The following SCIN variants were observed in gnomAD, a reference collection of about 807,000 sequenced individuals.
SCIN encodes the protein scinderin.
In SCIN, 91 loss-of-function variants were observed where a neutral mutation model predicts 91.8. That is an observed-to-expected ratio of 0.99 (90% CI 0.84 to 1.18). The LOEUF (loss-of-function observed/expected upper bound fraction) is 1.18, where lower values mean the gene tolerates loss of function less well. Ranked by LOEUF, SCIN falls within the 50% of genes most tolerant of loss-of-function variation. The pLI is 0.00. For missense variants in SCIN, 1,087 were observed against 863.9 expected, an observed-to-expected ratio of 1.26 and a Z score of -3.24; for synonymous variants, 367 against 312.6, an observed-to-expected ratio of 1.17 and a Z score of -1.84.
chr7:12,579,450 A>G (rs950714447), intron 2 of SCIN, among the ~76,000 whole-genome samples: 2 of 152,182 alleles, frequency 1.3e-5, no homozygotes, highest in African/African-American at 2.4e-5. Flanking sequence ...TGAGTCTTGT[A>G]GTTACTAAAA....
chr7:12,622,241 CACTT>C (rs1749412480), intron 4 of SCIN, among the ~76,000 whole-genome samples: 1 of 152,022 alleles, frequency 6.6e-6, no homozygotes, highest in Admixed American at 6.6e-5. Flanking sequence ...TTTTGACAAA[CACTT>C]ACTCTGCGTA....
Position 12,640,470 on chromosome 7 carries a change from C to G in SCIN, c.1534C>G (p.Leu512Val), listed in dbSNP as rs775415892. Residue 512 changes from leucine (L) to valine (V), a missense_variant, in exon 11 of 16, where the codon CTC (leucine) becomes GTC (valine). Coordinates refer to ENST00000297029, the MANE Select transcript of SCIN (RefSeq NM_001112706.3). ...GGQAPAPPTR[L>V]FQVRRNLASI... ...TCAGGCACCTGCTCCCCCTACACGCCTCTTTCAAGTCCGGAGAAACCTGGC... is the reference window on the plus strand; with the variant it reads ...TCAGGCACCTGCTCCCCCTACACGCGTCTTTCAAGTCCGGAGAAACCTGGC... 4.1e-5 allele frequency: 66 copies of G among 1,612,858 alleles called. No homozygotes were observed. The highest frequency in any genetic ancestry group is 4.9e-5 in the Non-Finnish European group (58 of 1,179,468).
At chr7:12,606,224 T>C (rs1562611034) in intron 4 of SCIN, among the ~76,000 whole-genome samples, 2 of 152,352 alleles carry the variant, frequency 1.3e-5, no homozygotes, top group South Asian at 2.1e-4. Context: ...TCTGTTGATA[T>C]AATACCTTTT....
chr7:12,631,861 T>C (rs1367060539), intron 9 of SCIN, among the ~76,000 whole-genome samples: 1 of 151,988 alleles, frequency 6.6e-6, no homozygotes, highest in Admixed American at 6.6e-5. Context: ...GGCATGCAAA[T>C]AGAGAAGTTG....
At chr7:12,640,986 G>A (rs923906932) in intron 11 of SCIN, among the ~76,000 whole-genome samples, 1 of 152,142 alleles carries the variant, frequency 6.6e-6, no homozygotes, top group South Asian at 2.1e-4. Context: ...GACAGCAGCT[G>A]GGATCAAACC....
intron 3 of SCIN, among the ~76,000 whole-genome samples, chr7:12,587,845 C>T (rs1468343207): frequency 4.6e-5 from 7 of 152,116 alleles, no homozygotes; most frequent in Non-Finnish European, 1.0e-4. Flanking sequence ...ACAAACTAGT[C>T]TTACACCACC....
chr7:12,573,509 C>G (rs956348539), intron 1 of SCIN, among the ~76,000 whole-genome samples: 1 of 152,136 alleles, frequency 6.6e-6, no homozygotes, highest in South Asian at 2.1e-4. Flanking sequence ...ATTAACATTA[C>G]ATGCTTGAAT....
chr7:12,626,420 G>A (rs990961254), intron 7 of SCIN, 164 bp from the exon 8 acceptor site: 18 of 577,624 alleles, frequency 3.1e-5, no homozygotes, highest in African/African-American at 1.3e-4. Context: ...CAAATTCAGC[G>A]GCAATTACTT....
intron 1 of SCIN, 126 bp downstream of exon 1, chr7:12,571,111 C>T (rs1346771666): frequency 1.5e-5 from 16 of 1,080,210 alleles, no homozygotes; most frequent in Non-Finnish European, 1.9e-5. Flanking sequence ...CGCGCCCCCA[C>T]GGGGCTGCCC....
intron 3 of SCIN, among the ~76,000 whole-genome samples, chr7:12,602,092 C>G (rs1782970267): frequency 6.6e-6 from 1 of 152,162 alleles, no homozygotes; most frequent in Admixed American, 6.5e-5. Flanking sequence ...TAGGTTCTTT[C>G]TATTTTCCAT....
chr7:12,622,852 A>G lies in SCIN; in HGVS notation c.718A>G (p.Ile240Val). 1 of 1,613,270 alleles carries G rather than the reference A, an allele frequency of 6.2e-7. No individual in the cohort carries two copies. Among genetic ancestry groups the G allele is most frequent in the Non-Finnish European group, 8.5e-7 (1 of 1,179,398 alleles). Residue 240 changes from isoleucine to valine, a missense_variant, in exon 5 of 16, where the codon ATA becomes GTA. Physicochemically the swap from Ile to Val is conservative, Grantham distance 29. Transcript: ENST00000297029. ...AGATGGAGGTGATGATGATGACATT[A>G]TAGCAGACATAAGTAACAGGAAAAT... is the stretch of plus-strand genomic sequence containing the variant. ...LPDGGDDDDI[I>V]ADISNRKMAK...
chr7:12,591,021 T>C (rs767959830), intron 3 of SCIN, among the ~76,000 whole-genome samples: 1 of 152,042 alleles, frequency 6.6e-6, no homozygotes, highest in Non-Finnish European at 1.5e-5. Flanking sequence ...CAACTGCATA[T>C]CCAGCAATCT....
rs112614850 is a variant in SCIN, at chr7:12,588,811, G to T, written c.516+7590G>T. 7 of 72,830 alleles carry T rather than the reference G, an allele frequency of 9.6e-5. 1 individual carries two copies. The highest frequency in any genetic ancestry group is 3.7e-4 in the Admixed American group (3 of 8,198). The allele number at this position is 72,830 out of a possible 1,614,324, so 4.5% of individuals were successfully genotyped here. On this transcript the variant is annotated intron_variant, in intron 3 of 15. Transcript: ENST00000297029. ...GGTAAGGGACAGCTGCATTGGGTGG[G>T]GGGGGGGGGGTGCGGGGGCGGGTGG...
chr7:12,583,347 A>G (rs1583276658), intron 3 of SCIN, among the ~76,000 whole-genome samples: 1 of 152,302 alleles, frequency 6.6e-6, no homozygotes, highest in Non-Finnish European at 1.5e-5. Flanking sequence ...ACACAGTCAC[A>G]TCTGGGAAAT....
chr7:12,659,283 T>G lies in SCIN; in HGVS notation c.*6568T>G, dbSNP rs1407238104. 6.6e-6 allele frequency: 1 copy of G among 152,204 alleles called. No individual in the cohort carries two copies. The highest frequency in any genetic ancestry group is 1.5e-5 in the Non-Finnish European group (1 of 68,060). 9.4% of individuals were successfully genotyped at this position (152,204 alleles called of 1,614,324 possible). On this transcript the variant is annotated 3_prime_UTR_variant, in exon 16 of 16. Coordinates refer to ENST00000297029, the MANE Select transcript of SCIN (RefSeq NM_001112706.3). ...ATTTATGTTTTTTAAAAGCACCATT[T>G]ACCACCCATTTGTCTATGGACTTAA...
chr7:12,604,763 G>T, intron 4 of SCIN, 100 bp downstream of exon 4: 1 of 1,015,948 alleles, frequency 9.8e-7, no homozygotes, highest in Non-Finnish European at 1.4e-6. Context: ...GGGGAAGAAG[G>T]GGAAAGAGAT....
intron 3 of SCIN, among the ~76,000 whole-genome samples, chr7:12,591,043 G>C (rs1467111220): frequency 6.6e-6 from 1 of 152,128 alleles, no homozygotes; most frequent in Non-Finnish European, 1.5e-5. Flanking sequence ...GGGGGTAGCT[G>C]GTGGGCCTGG....
chr7:12,598,220 A>G (rs1782881687), intron 3 of SCIN, among the ~76,000 whole-genome samples: 1 of 152,194 alleles, frequency 6.6e-6, no homozygotes, highest in African/African-American at 2.4e-5. Context: ...ATTTATTCAG[A>G]CTTTTTTTAA....
intron 9 of SCIN, among the ~76,000 whole-genome samples, chr7:12,634,314 C>T (rs1364957090): frequency 1.3e-5 from 2 of 151,652 alleles, no homozygotes; most frequent in South Asian, 2.1e-4. Context: ...GGAGAAATCC[C>T]GTCTCTACTA....
Sources: gnomAD v4.1 joint callset for allele counts (sites outside exome capture counted in the v4.1 genomes callset) on GRCh38, gnomAD v4.1.1 for gene constraint, MANE v1.5 for transcripts, NCBI Gene and HGNC (gene_info 2026-07-23, HGNC 2026-07-21) for gene names.